Variants in ZNF395 observed in about 807,000 individuals in gnomAD.
ZNF395 encodes HD gene regulatory region-binding protein 2.
Under a neutral mutation model 57.7 loss-of-function variants are expected in ZNF395, and 20 were observed. That is an observed-to-expected ratio of 0.35 (90% confidence interval 0.24 to 0.50). The LOEUF (loss-of-function observed/expected upper bound fraction) is 0.50, where lower values mean the gene tolerates loss of function less well. Ranked by LOEUF, ZNF395 falls within the 20% of genes least tolerant of loss-of-function variation. ZNF395 has a pLI of 0.97. For missense variants in ZNF395, 606 were observed against 671.2 expected (o/e 0.90, Z 1.07); for synonymous variants, 295 against 275.9 (o/e 1.07, Z -0.69).
chr8:28,374,741 T>C (rs1265792090), intron 1 of ZNF395, among the ~76,000 whole-genome samples: 1 of 152,242 alleles, frequency 6.6e-6, no homozygotes, highest in African/African-American at 2.4e-5. Flanking sequence ...ATGGGACTTC[T>C]GATCATCCAA....
chr8:28,349,927 G>A (rs573270675), intron 8 of ZNF395, 137 bp downstream of exon 8: 214 of 723,392 alleles, frequency 3.0e-4, no homozygotes, highest in Non-Finnish European at 4.4e-4. Flanking sequence ...TCTTCAACAC[G>A]TTTGGGGGCT....
rs1554519142 is a variant in ZNF395 at position 28,351,708 on chromosome 8, G to GGGA, written c.1019_1020insTCC (p.Ala340_Ala341insPro). ...GAGTCCCAGGGACTGGGGTGCCTGC[G>GGGA]GCAGCAGCAGCAGCAGCAGCAGCAG... On this transcript the variant is annotated inframe_insertion, in exon 7 of 10. Transcript: ENST00000344423. 8.1e-6 allele frequency: 13 copies of GGGA among 1,608,838 alleles called. No homozygotes were observed. The Admixed American group carries it at 8.3e-5, about 10-fold the overall frequency.
chr8:28,358,142 CT>C (rs1166965241), intron 3 of ZNF395, among the ~76,000 whole-genome samples: 3 of 121,460 alleles, frequency 2.5e-5, no homozygotes, highest in South Asian at 2.6e-4. Context: ...GGGTTTTTTT[CT>C]TTTTTTTCTT....
intron 1 of ZNF395, among the ~76,000 whole-genome samples, chr8:28,363,113 T>A (rs150679192): frequency 6.6e-6 from 1 of 151,494 alleles, no homozygotes; most frequent in East Asian, 2.0e-4. Flanking sequence ...CTAAATTGGT[T>A]GTTTTTTTTT....
chr8:28,349,865 C>A (rs554919529), intron 8 of ZNF395, among the ~76,000 whole-genome samples, 199 bp downstream of exon 8: 1 of 152,226 alleles, frequency 6.6e-6, no homozygotes, highest in Admixed American at 6.5e-5. Flanking sequence ...TCCACCTCCG[C>A]GAGGGGCTAT....
chr8:28,372,588 A>T (rs1230912891), intron 1 of ZNF395, among the ~76,000 whole-genome samples: 1 of 152,196 alleles, frequency 6.6e-6, no homozygotes, highest in Non-Finnish European at 1.5e-5. Flanking sequence ...GGAGTTCAAG[A>T]CCAGCCTGGG....
intron 2 of ZNF395, among the ~76,000 whole-genome samples, chr8:28,360,245 C>T (rs932550578): frequency 2.0e-5 from 3 of 152,210 alleles, no homozygotes; most frequent in African/African-American, 7.2e-5. Flanking sequence ...GACAGGCCAA[C>T]CTCTCAACAG....
At chr8:28,372,748 T>G (rs1801992622) in intron 1 of ZNF395, among the ~76,000 whole-genome samples, 2 of 152,156 alleles carry the variant, frequency 1.3e-5, no homozygotes. Flanking sequence ...AATTGTCCCA[T>G]GCATTCCAGC....
intron 1 of ZNF395, among the ~76,000 whole-genome samples, chr8:28,378,441 C>G (rs1802069965): frequency 6.6e-6 from 1 of 152,082 alleles, no homozygotes; most frequent in Non-Finnish European, 1.5e-5. Context: ...AGTTCTCTCT[C>G]TGTTGCCCAA....
At chr8:28,373,099 G>A (rs1054048790) in intron 1 of ZNF395, among the ~76,000 whole-genome samples, 2 of 152,206 alleles carry the variant, frequency 1.3e-5, no homozygotes, top group African/African-American at 4.8e-5. Context: ...GCACGAGTGG[G>A]GTTGCCCTAG....
intron 8 of ZNF395, 109 bp from the exon 9 acceptor site, chr8:28,349,337 C>G: frequency 2.6e-6 from 2 of 763,208 alleles, no homozygotes; most frequent in Admixed American, 7.0e-5. Context: ...CAGAAGGCCT[C>G]GCACCTTCTC....
rs1801608369 is a variant in ZNF395, at chr8:28,346,814, G to C, written c.*1905C>G. On this transcript the variant is annotated 3_prime_UTR_variant, in exon 10 of 10. Coordinates refer to ENST00000344423, the MANE Select transcript of ZNF395 (RefSeq NM_018660.3). The stretch of plus-strand genomic sequence containing the variant: ...GGGGTTGTCTTGGGAAGTGAGGGGG[G>C]TTGGGAAACACCATCAGCAGCTGCC... The C allele has an allele frequency of 1.3e-5, 2 of 151,252 alleles. No homozygotes were observed. Among genetic ancestry groups the C allele is most frequent in the South Asian group, 4.2e-4 (2 of 4,772 alleles). The allele number at this position is 151,252 out of a possible 1,614,324, so 9.4% of individuals were successfully genotyped here.
At chr8:28,382,400 C>T (rs1802120205) in intron 1 of ZNF395, among the ~76,000 whole-genome samples, 1 of 152,160 alleles carries the variant, frequency 6.6e-6, no homozygotes. Context: ...CTTGATTTCT[C>T]CCTAATCTCT....
chr8:28,363,973 AT>A (rs1338814196), intron 1 of ZNF395, among the ~76,000 whole-genome samples: 12 of 152,160 alleles, frequency 7.9e-5, no homozygotes, highest in African/African-American at 2.7e-4. Context: ...ACCAAAATAC[AT>A]TTTCTCATTG....
rs539002104 is a variant in ZNF395 at position 28,374,966 on chromosome 8, C to T, written c.-59+11427G>A. Reference sequence around the variant, plus strand: ...AATGAGAAAAAAGAATCTGAACATCCCATTGCACAAACTCTAAAACATTAT... The same window carrying T: ...AATGAGAAAAAAGAATCTGAACATCTCATTGCACAAACTCTAAAACATTAT... On this transcript the variant is annotated intron_variant, in intron 1 of 9. Transcript: ENST00000344423. 2.4e-4 allele frequency among the ~76,000 whole-genome samples: 36 copies of T among 152,250 alleles called. 1 individual carries two copies. The Middle Eastern group carries it at 0.01, about 43-fold the overall frequency.
intron 1 of ZNF395, among the ~76,000 whole-genome samples, chr8:28,374,854 T>G (rs934409814): frequency 6.6e-6 from 1 of 152,078 alleles, no homozygotes; most frequent in Non-Finnish European, 1.5e-5. Context: ...CAATCACACT[T>G]CCTCCATACC....
At chr8:28,382,561 C>T (rs947570076) in intron 1 of ZNF395, among the ~76,000 whole-genome samples, 1 of 152,152 alleles carries the variant, frequency 6.6e-6, no homozygotes, top group Admixed American at 6.5e-5. Context: ...TGTCCCTAAA[C>T]GTTTTTCCAA....
intron 3 of ZNF395, among the ~76,000 whole-genome samples, chr8:28,358,321 G>A (rs1393019023): frequency 1.3e-5 from 2 of 151,846 alleles, no homozygotes; most frequent in Non-Finnish European, 2.9e-5. Flanking sequence ...TGTTGGCCAG[G>A]CTGGTCTCAA....
chr8:28,379,122 G>A (rs79029689), intron 1 of ZNF395, among the ~76,000 whole-genome samples: 2 of 152,300 alleles, frequency 1.3e-5, no homozygotes, highest in Non-Finnish European at 2.9e-5. Flanking sequence ...TCCTTCCTAT[G>A]TCTGATAACC....
Sources: allele counts gnomAD v4.1 joint callset (sites outside exome capture counted in the v4.1 genomes callset), GRCh38; gene constraint gnomAD v4.1.1; transcripts MANE v1.5; gene names NCBI Gene and HGNC (gene_info 2026-07-23, HGNC 2026-07-21).